The following RBMS3 variants were observed in gnomAD, a reference collection of about 807,000 sequenced individuals.
RBMS3 encodes the protein RNA binding motif single stranded interacting protein 3.
RBMS3 carries 27 observed loss-of-function variants against 66.8 expected under a neutral mutation model. That is an observed-to-expected ratio of 0.40 (90% CI 0.30 to 0.56). RBMS3 has a LOEUF of 0.56. RBMS3 is among the 20% of genes least tolerant of loss of function. The pLI is 0.40. For missense variants in RBMS3, 513 were observed against 549.5 expected (o/e 0.93, Z 0.66); for synonymous variants, 188 against 183.0 (o/e 1.03, Z -0.22).
intron 7 of RBMS3, among the ~76,000 whole-genome samples, chr3:29,875,302 C>G (rs780020237): frequency 6.6e-6 from 1 of 152,088 alleles, no homozygotes; most frequent in Non-Finnish European, 1.5e-5. Context: ...GTCAATTAGC[C>G]AAATTCCTGG....
chr3:29,447,171 C>A (rs1006179038), intron 2 of RBMS3, among the ~76,000 whole-genome samples: 6 of 152,016 alleles, frequency 3.9e-5, no homozygotes, highest in Non-Finnish European at 8.8e-5. Flanking sequence ...CCTCAGCCCC[C>A]CAAAGTGCTG....
chr3:29,341,832 G>T (rs762499293), intron 1 of RBMS3, among the ~76,000 whole-genome samples: 1 of 152,028 alleles, frequency 6.6e-6, no homozygotes, highest in Non-Finnish European at 1.5e-5. Flanking sequence ...CCTCAAACAA[G>T]GAAGACAAAC....
chr3:29,434,137 C>T (rs1334587903), intron 1 of RBMS3, among the ~76,000 whole-genome samples: 1 of 152,148 alleles, frequency 6.6e-6, no homozygotes, highest in Non-Finnish European at 1.5e-5. Flanking sequence ...ATGGTAGCTC[C>T]ATCTTGCAAA....
At chr3:29,625,721 T>TA (rs1435839479) in intron 4 of RBMS3, among the ~76,000 whole-genome samples, 1 of 148,984 alleles carries the variant, frequency 6.7e-6, no homozygotes, top group Non-Finnish European at 1.5e-5. Context: ...AATAAATAAA[T>TA]AAATAAATAA....
intron 1 of RBMS3, 79 bp from the exon 2 acceptor site, chr3:29,434,664 A>C: frequency 1.3e-6 from 2 of 1,542,730 alleles, no homozygotes; most frequent in South Asian, 2.5e-5. Context: ...CATAGCTTAC[A>C]TTGATTTCAA....
At chr3:29,653,353 A>G (rs1022307749) in intron 4 of RBMS3, among the ~76,000 whole-genome samples, 1 of 152,112 alleles carries the variant, frequency 6.6e-6, no homozygotes, top group Non-Finnish European at 1.5e-5. Context: ...TGGAAAGAGT[A>G]AGTTAGATCT....
chr3:29,645,275 T>C (rs952107362), intron 4 of RBMS3, among the ~76,000 whole-genome samples: 15 of 152,226 alleles, frequency 9.9e-5, no homozygotes, highest in South Asian at 6.2e-4. Context: ...ACTCGAGTGA[T>C]TGTGATCTGC....
chr3:29,342,761 A>G (rs561752056), intron 1 of RBMS3, among the ~76,000 whole-genome samples: 1 of 152,164 alleles, frequency 6.6e-6, no homozygotes, highest in Admixed American at 6.6e-5. Context: ...TGAATTACAC[A>G]GTTTTTCACA....
chr3:29,562,777 AC>A (rs2046602332), intron 3 of RBMS3, among the ~76,000 whole-genome samples: 1 of 152,114 alleles, frequency 6.6e-6, no homozygotes, highest in Non-Finnish European at 1.5e-5. Flanking sequence ...TCCTGCTCTA[AC>A]CCATACTCAC....
chr3:29,600,134 G>T (rs2048093644), intron 4 of RBMS3, among the ~76,000 whole-genome samples: 1 of 152,028 alleles, frequency 6.6e-6, no homozygotes, highest in South Asian at 2.1e-4. Flanking sequence ...TGACTTTTCT[G>T]AAAATTATTT....
intron 1 of RBMS3, among the ~76,000 whole-genome samples, chr3:29,379,162 C>T (rs1216218319): frequency 1.3e-5 from 2 of 152,178 alleles, no homozygotes; most frequent in African/African-American, 4.8e-5. Flanking sequence ...CCCTCACATA[C>T]AGTGCAAGTC....
chr3:29,610,268 G>C (rs1004267356), intron 4 of RBMS3, among the ~76,000 whole-genome samples: 4 of 151,996 alleles, frequency 2.6e-5, no homozygotes, highest in African/African-American at 9.7e-5. Context: ...AGAAACAGTA[G>C]CAAACTAATG....
At chr3:29,792,363 CT>C (rs1211160449) in intron 6 of RBMS3, among the ~76,000 whole-genome samples, 7 of 152,118 alleles carry the variant, frequency 4.6e-5, no homozygotes, top group Non-Finnish European at 8.8e-5. Flanking sequence ...TCTTATTGTT[CT>C]CCATGTTCTG....
rs554105905 is a variant in RBMS3, at chr3:29,711,642, T to G, written c.400-28078T>G. ...CTAACCCAGGATCTCAGAATGAGCTTGTGGCAAAAGCCAGGCCAGAATCCA... is the reference window on the plus strand; with the variant it reads ...CTAACCCAGGATCTCAGAATGAGCTGGTGGCAAAAGCCAGGCCAGAATCCA... On this transcript the variant is annotated intron_variant, in intron 4 of 14. Coordinates refer to ENST00000383767, the MANE Select transcript of RBMS3 (RefSeq NM_001003793.3). 5.1e-4 allele frequency among the ~76,000 whole-genome samples: 78 copies of G among 152,290 alleles called. 1 individual carries two copies. Among genetic ancestry groups the G allele is most frequent in the African/African-American group, 1.9e-3 (77 of 41,568 alleles).
intron 3 of RBMS3, among the ~76,000 whole-genome samples, chr3:29,488,835 G>C (rs2043420899): frequency 1.3e-5 from 2 of 152,100 alleles, no homozygotes; most frequent in African/African-American, 4.8e-5. Flanking sequence ...AGGAACTCTG[G>C]GGAAAACTTC....
chr3:29,621,610 AT>A (rs761306098), intron 4 of RBMS3, among the ~76,000 whole-genome samples: 1 of 152,204 alleles, frequency 6.6e-6, no homozygotes, highest in Non-Finnish European at 1.5e-5. Context: ...AGGACAACCT[AT>A]AACTTATCAG....
At chr3:29,613,494 G>T (rs1205126663) in intron 4 of RBMS3, among the ~76,000 whole-genome samples, 1 of 152,062 alleles carries the variant, frequency 6.6e-6, no homozygotes, top group Non-Finnish European at 1.5e-5. Flanking sequence ...GCCTGGCTCA[G>T]TTGAAACACA....
chr3:29,595,439 A>G (rs1174863723), intron 4 of RBMS3, among the ~76,000 whole-genome samples: 1 of 151,638 alleles, frequency 6.6e-6, no homozygotes, highest in Non-Finnish European at 1.5e-5. Flanking sequence ...GAAAAGAAAC[A>G]TCAACACTTT....
At chr3:29,718,743 A>G (rs540848085) in intron 4 of RBMS3, among the ~76,000 whole-genome samples, 1 of 152,290 alleles carries the variant, frequency 6.6e-6, no homozygotes, top group South Asian at 2.1e-4. Context: ...TCTCTACCAC[A>G]GTTCTGTTGT....
Sources: gnomAD v4.1 joint callset for allele counts (sites outside exome capture counted in the v4.1 genomes callset) on GRCh38, gnomAD v4.1.1 for gene constraint, MANE v1.5 for transcripts, NCBI Gene and HGNC (gene_info 2026-07-23, HGNC 2026-07-21) for gene names.